Variants in PLXDC2 observed in about 807,000 individuals in gnomAD.
The protein encoded by PLXDC2 is plexin domain-containing protein 2.
A neutral mutation model predicts 68.9 loss-of-function variants in PLXDC2; 40 were observed. The observed-to-expected ratio is 0.58, with a 90% CI of 0.45 to 0.76. The LOEUF is 0.76. Ranked by LOEUF, PLXDC2 falls within the 30% of genes least tolerant of loss-of-function variation. The pLI is 0.00. For missense variants in PLXDC2, 644 were observed against 661.9 expected (o/e 0.97, Z 0.30); for synonymous variants, 243 against 234.2 (o/e 1.04, Z -0.34).
At chr10:20,267,840 C>T (rs1004091481) in intron 13 of PLXDC2, among the ~76,000 whole-genome samples, 1 of 146,630 alleles carries the variant, frequency 6.8e-6, no homozygotes, top group East Asian at 2.0e-4. Flanking sequence ...GCTTTTTTAT[C>T]TTTTTTTTTT....
chr10:20,057,004 C>A (rs560140536), intron 3 of PLXDC2, among the ~76,000 whole-genome samples: 1 of 152,224 alleles, frequency 6.6e-6, no homozygotes, highest in East Asian at 1.9e-4. Context: ...GTCTCAGGTG[C>A]AATAAACAAG....
intron 1 of PLXDC2, among the ~76,000 whole-genome samples, chr10:19,967,048 C>T (rs993001780): frequency 7.2e-5 from 11 of 152,188 alleles, no homozygotes; most frequent in Non-Finnish European, 1.6e-4. Flanking sequence ...TTTTATGGCA[C>T]AGATTTTATA....
In PLXDC2 at chr10:20,001,771, A is replaced by G; in HGVS notation, c.113-4A>G. 6.2e-7 allele frequency: 1 copy of G among 1,613,616 alleles called. No individual in the cohort carries two copies. The highest frequency in any genetic ancestry group is 8.5e-7 in the Non-Finnish European group (1 of 1,179,724). ...GTAACCCATTTTCTTTCTTTTTCAAACAGATTGGCAGTATGGAGTTACTCA... is the reference window on the plus strand; with the variant it reads ...GTAACCCATTTTCTTTCTTTTTCAAGCAGATTGGCAGTATGGAGTTACTCA... On this transcript the variant is annotated splice_region_variant and splice_polypyrimidine_tract_variant and intron_variant, in intron 1 of 13. Transcript: ENST00000377252.
intron 4 of PLXDC2, among the ~76,000 whole-genome samples, chr10:20,082,947 A>ATATGTATGTATGTATGTATGTATGTATG (rs143600746): frequency 2.6e-5 from 4 of 151,616 alleles, no homozygotes; most frequent in African/African-American, 9.7e-5. Context: ...ATATGTACAT[A>ATATGTATGTATGTATGTATGTATGTATG]TATGTATGTA....
chr10:20,057,673 A>C (rs1044000884), intron 3 of PLXDC2, among the ~76,000 whole-genome samples: 1 of 152,068 alleles, frequency 6.6e-6, no homozygotes, highest in Admixed American at 6.6e-5. Context: ...ATTAATGATA[A>C]ATTGCCAGAA....
intron 1 of PLXDC2, among the ~76,000 whole-genome samples, chr10:19,982,324 C>T (rs1376248260): frequency 2.6e-5 from 4 of 152,166 alleles, no homozygotes; most frequent in Non-Finnish European, 5.9e-5. Flanking sequence ...ACATTCAGAA[C>T]CATCCCTCCG....
At chr10:19,842,582 A>T (rs1836930112) in intron 1 of PLXDC2, among the ~76,000 whole-genome samples, 1 of 152,204 alleles carries the variant, frequency 6.6e-6, no homozygotes, top group Non-Finnish European at 1.5e-5. Flanking sequence ...GAGTCACAGC[A>T]TAATGAACAT....
At chr10:20,217,623 T>C (rs1317166997) in intron 11 of PLXDC2, 47 bp downstream of exon 11, 3 of 1,254,858 alleles carry the variant, frequency 2.4e-6, no homozygotes, top group Non-Finnish European at 3.2e-6. Flanking sequence ...TTTTTTTTTT[T>C]TCCCTGAAGG....
At position 20,211,740 on chromosome 10, in the gene PLXDC2, T is replaced by C. The variant is rs545977518; in HGVS notation, c.1122+11T>C. ...GGATGCCCTGAAGAGGTACACATGC[T>C]TTATTGTGACAGAATCCTGGGACCA... On this transcript the variant is annotated intron_variant, in intron 10 of 13. Coordinates refer to ENST00000377252, the MANE Select transcript of PLXDC2 (RefSeq NM_032812.9). 6.8e-6 allele frequency: 11 copies of C among 1,611,944 alleles called. No individual in the cohort carries two copies. The highest frequency in any genetic ancestry group is 5.5e-5 in the South Asian group (5 of 90,982).
intron 2 of PLXDC2, among the ~76,000 whole-genome samples, chr10:20,040,426 A>C (rs929899684): frequency 7.9e-5 from 12 of 152,188 alleles, no homozygotes; most frequent in African/African-American, 2.7e-4. Context: ...TGACCCTTGA[A>C]GAAGCACAAA....
chr10:20,176,655 G>A (rs1272968287), intron 7 of PLXDC2, among the ~76,000 whole-genome samples: 1 of 151,904 alleles, frequency 6.6e-6, no homozygotes, highest in Admixed American at 6.6e-5. Flanking sequence ...GGAAGAAATG[G>A]TATCATCTTA....
intron 1 of PLXDC2, among the ~76,000 whole-genome samples, chr10:19,922,927 C>T (rs1833483832): frequency 6.6e-6 from 1 of 152,202 alleles, no homozygotes. Context: ...AACCTTTGAG[C>T]CTCTCAAATG....
intron 1 of PLXDC2, among the ~76,000 whole-genome samples, chr10:20,000,246 A>T (rs1834911372): frequency 6.6e-6 from 1 of 151,544 alleles, no homozygotes; most frequent in Non-Finnish European, 1.5e-5. Flanking sequence ...GGGTGTCCAC[A>T]CTCAGCCCTT....
intron 1 of PLXDC2, among the ~76,000 whole-genome samples, chr10:19,980,166 T>TA (rs1354288039): frequency 2.6e-5 from 4 of 152,232 alleles, no homozygotes; most frequent in Non-Finnish European, 4.4e-5. Context: ...CTGCATTTTT[T>TA]AATAGCAAGA....
chr10:20,108,499 G>A (rs1356987423), intron 4 of PLXDC2, among the ~76,000 whole-genome samples: 1 of 152,116 alleles, frequency 6.6e-6, no homozygotes, highest in Non-Finnish European at 1.5e-5. Context: ...CTGTACAGTA[G>A]ACAGTGGATA....
At chr10:19,834,503 C>G (rs1238373598) in intron 1 of PLXDC2, among the ~76,000 whole-genome samples, 3 of 152,168 alleles carry the variant, frequency 2.0e-5, no homozygotes, top group Admixed American at 6.5e-5. Flanking sequence ...GCTACACTAT[C>G]TGTATACCAC....
chr10:20,217,333 C>G, intron 10 of PLXDC2, 93 bp from the exon 11 acceptor site: 2 of 1,128,174 alleles, frequency 1.8e-6, no homozygotes, highest in African/African-American at 1.6e-5. Context: ...ATATGAGAGG[C>G]TTTTGTGCTT....
chr10:20,039,334 A>G (rs906795647), intron 2 of PLXDC2, among the ~76,000 whole-genome samples: 5 of 152,174 alleles, frequency 3.3e-5, no homozygotes, highest in Non-Finnish European at 7.3e-5. Flanking sequence ...GGAGATGTTT[A>G]TTTTACGGCA....
chr10:20,041,750 G>T (rs1057259323), intron 2 of PLXDC2, among the ~76,000 whole-genome samples: 2 of 152,060 alleles, frequency 1.3e-5, no homozygotes, highest in African/African-American at 4.8e-5. Context: ...GGCAGGTAGA[G>T]GTCTCAAATC....
Sources: allele counts gnomAD v4.1 joint callset (sites outside exome capture counted in the v4.1 genomes callset), GRCh38; gene constraint gnomAD v4.1.1; transcripts MANE v1.5; gene names NCBI Gene and HGNC (gene_info 2026-07-23, HGNC 2026-07-21).